Variants in SNTG2 observed in about 807,000 individuals in gnomAD.
The protein encoded by SNTG2 is gamma-2-syntrophin.
A neutral mutation model predicts 70.9 loss-of-function variants in SNTG2; 74 were observed. The ratio of observed to expected loss-of-function variants is 1.04; its 90% confidence interval spans 0.86 to 1.27. The LOEUF (loss-of-function observed/expected upper bound fraction) is 1.27, where lower values mean the gene tolerates loss of function less well. SNTG2 is among the 50% of genes most tolerant of loss of function. The probability of loss-of-function intolerance (pLI) is 0.00; values close to 1 mark genes in which losing one functional copy is unlikely to be tolerated. For missense variants in SNTG2, 717 were observed against 690.7 expected (o/e 1.04, Z -0.43); for synonymous variants, 278 against 273.8 (o/e 1.02, Z -0.15).
At chr2:1,199,826 A>G (rs950543105) in intron 8 of SNTG2, among the ~76,000 whole-genome samples, 1 of 152,084 alleles carries the variant, frequency 6.6e-6, no homozygotes, top group Non-Finnish European at 1.5e-5. Flanking sequence ...AATGACCTCT[A>G]CAAGAAAAAC....
rs148863804 is a variant in SNTG2 at position 1,111,543 on chromosome 2, T to G, written c.325+13133T>G. Among the ~76,000 whole-genome samples, 507 of 152,304 alleles carry G rather than the reference T, an allele frequency of 3.3e-3. 1 individual carries two copies. The highest frequency in any genetic ancestry group is 6.3e-3 in the Non-Finnish European group (430 of 68,024). On this transcript the variant is annotated intron_variant, in intron 4 of 16. Transcript: ENST00000308624. ...CTGGGATCTACTTTGCCATTGCTCC[T>G]CAAGTTCAGCCAGTGTTATGGCAGG...
intron 8 of SNTG2, among the ~76,000 whole-genome samples, chr2:1,174,392 T>G (rs969837063): frequency 1.3e-5 from 2 of 152,312 alleles, no homozygotes; most frequent in Non-Finnish European, 2.9e-5. Flanking sequence ...TTACTGTTTG[T>G]TTCTGTGAGG....
chr2:1,335,173 C>G (rs1187443174), intron 16 of SNTG2, among the ~76,000 whole-genome samples: 1 of 132,368 alleles, frequency 7.6e-6, no homozygotes, highest in African/African-American at 3.1e-5. Context: ...TTGAACATAC[C>G]CCCGTGCGTT....
rs146037901 is a variant in SNTG2, at chr2:1,319,813, C to T, written c.1488+3438C>T. Among the ~76,000 whole-genome samples, 18 of 152,238 alleles carry T rather than the reference C, an allele frequency of 1.2e-4. No individual in the cohort carries two copies. The East Asian group carries it at 3.1e-3, about 26-fold the overall frequency. ...CACACTGAGGTTGTGCATTTATCAA[C>T]GTATGAGATATACAGAAAGTTAGAA... On this transcript the variant is annotated intron_variant, in intron 16 of 16. Transcript: ENST00000308624.
intron 16 of SNTG2, among the ~76,000 whole-genome samples, chr2:1,361,522 A>G (rs1661144979): frequency 6.6e-6 from 1 of 152,372 alleles, no homozygotes; most frequent in South Asian, 2.1e-4. Context: ...AAAAAATATA[A>G]CTTTTTAATA....
At chr2:1,059,590 G>GT (rs913609592) in intron 1 of SNTG2, among the ~76,000 whole-genome samples, 7 of 151,794 alleles carry the variant, frequency 4.6e-5, no homozygotes, top group Admixed American at 6.6e-5. Context: ...ATCTAAATAC[G>GT]TTTTTTTATT....
chr2:1,154,824 A>G (rs1177769414), intron 6 of SNTG2, among the ~76,000 whole-genome samples: 1 of 151,816 alleles, frequency 6.6e-6, no homozygotes, highest in Non-Finnish European at 1.5e-5. Flanking sequence ...TATCACATAC[A>G]CCACACATAT....
chr2:1,365,849 G>T (rs1345700964), intron 16 of SNTG2, among the ~76,000 whole-genome samples: 1 of 152,190 alleles, frequency 6.6e-6, no homozygotes, highest in Non-Finnish European at 1.5e-5. Context: ...GAGATGTCAC[G>T]TCTTTGAGTT....
At chr2:1,095,792 A>G (rs1342932344) in intron 2 of SNTG2, among the ~76,000 whole-genome samples, 2 of 152,180 alleles carry the variant, frequency 1.3e-5, no homozygotes, top group African/African-American at 4.8e-5. Context: ...CAATTTTAAA[A>G]TGTTATTGAG....
At chr2:1,194,111 CAA>C (rs1672761172) in intron 8 of SNTG2, among the ~76,000 whole-genome samples, 1 of 152,198 alleles carries the variant, frequency 6.6e-6, no homozygotes, top group South Asian at 2.1e-4. Context: ...TTGGAAGTAG[CAA>C]AAGAGTGTTG....
chr2:1,076,044 C>A (rs1211857689), intron 1 of SNTG2, among the ~76,000 whole-genome samples: 1 of 152,136 alleles, frequency 6.6e-6, no homozygotes, highest in African/African-American at 2.4e-5. Context: ...GTCTGTGGCT[C>A]GCTCCACCTC....
intron 8 of SNTG2, among the ~76,000 whole-genome samples, chr2:1,183,446 G>A (rs1257476205): frequency 1.3e-5 from 2 of 152,156 alleles, no homozygotes; most frequent in African/African-American, 4.8e-5. Context: ...TTTCAAACAG[G>A]TTGTATCAAC....
chr2:1,160,587 G>A (rs961435957), intron 6 of SNTG2: 8 of 152,024 alleles, frequency 5.3e-5, no homozygotes, highest in Admixed American at 2.0e-4. Flanking sequence ...AGCCCATTTC[G>A]GACTGGACTT....
At chr2:1,189,827 G>A (rs974555335) in intron 8 of SNTG2, among the ~76,000 whole-genome samples, 9 of 152,224 alleles carry the variant, frequency 5.9e-5, no homozygotes, top group East Asian at 1.9e-4. Context: ...GATTACAGGC[G>A]TGAGCCACCG....
chr2:1,126,630 A>G (rs1418703672), intron 4 of SNTG2, among the ~76,000 whole-genome samples: 1 of 152,100 alleles, frequency 6.6e-6, no homozygotes, highest in Non-Finnish European at 1.5e-5. Context: ...ACCCTCACCA[A>G]CATTTGTCAT....
chr2:1,030,830 C>G (rs1161291745), intron 1 of SNTG2, among the ~76,000 whole-genome samples: 1 of 152,078 alleles, frequency 6.6e-6, no homozygotes, highest in Non-Finnish European at 1.5e-5. Context: ...GGAAGAAATC[C>G]ATGGTTCTGC....
At chr2:1,269,191 G>C (rs191231885) in intron 14 of SNTG2, among the ~76,000 whole-genome samples, 2 of 152,002 alleles carry the variant, frequency 1.3e-5, no homozygotes, top group Non-Finnish European at 2.9e-5. Context: ...CTTATGTTTC[G>C]TACTGTCCTT....
chr2:1,115,157 G>A (rs542069087), intron 4 of SNTG2, among the ~76,000 whole-genome samples: 18 of 150,634 alleles, frequency 1.2e-4, no homozygotes, highest in Non-Finnish European at 2.1e-4. Flanking sequence ...GAGGAGGATC[G>A]TGTGTGCCAA....
At chr2:972,057 A>C (rs917167250) in intron 1 of SNTG2, among the ~76,000 whole-genome samples, 1 of 152,052 alleles carries the variant, frequency 6.6e-6, no homozygotes, top group Non-Finnish European at 1.5e-5. Flanking sequence ...TTTATGGTCT[A>C]TTGTGTGGTT....
Sources: gnomAD v4.1 joint callset for allele counts (sites outside exome capture counted in the v4.1 genomes callset) on GRCh38, gnomAD v4.1.1 for gene constraint, MANE v1.5 for transcripts, NCBI Gene and HGNC (gene_info 2026-07-23, HGNC 2026-07-21) for gene names.